KHDRBS2: variants seen among roughly 807,000 people sequenced by gnomAD.
KHDRBS2 encodes KH RNA binding domain containing, signal transduction associated 2.
Under a neutral mutation model 44.3 loss-of-function variants are expected in KHDRBS2, and 26 were observed. That is an observed-to-expected ratio of 0.59 (90% CI 0.43 to 0.81). The LOEUF is 0.81. Among genes scored for constraint, KHDRBS2 ranks in the 40% least tolerant of loss-of-function variants. KHDRBS2 has a pLI of 0.00. For synonymous variants in KHDRBS2, 194 were observed against 151.1 expected (o/e 1.28, Z -2.08); for missense variants, 476 against 433.1 (o/e 1.10, Z -0.88).
chr6:61,588,925 T>A, the KHDRBS2 span, among the ~76,000 whole-genome samples: 1 of 152,122 alleles, frequency 6.6e-6, no homozygotes, highest in Admixed American at 6.6e-5. Context: ...GGAACATGGA[T>A]GAAGCTGGAA....
intron 3 of KHDRBS2, among the ~76,000 whole-genome samples, chr6:62,047,488 A>G (rs2127306830): frequency 6.6e-6 from 1 of 152,018 alleles, no homozygotes; most frequent in Non-Finnish European, 1.5e-5. Context: ...GCAGAGAGAT[A>G]AAATGAGAGA....
chr6:61,571,658 T>C, the KHDRBS2 span, among the ~76,000 whole-genome samples: 2 of 152,128 alleles, frequency 1.3e-5, no homozygotes, highest in African/African-American at 4.8e-5. Flanking sequence ...CACCATATAA[T>C]AGGTCACAAG....
chr6:61,696,164 A>T (rs1003287141), intron 8 of KHDRBS2, among the ~76,000 whole-genome samples: 1 of 152,076 alleles, frequency 6.6e-6, no homozygotes, highest in African/African-American at 2.4e-5. Flanking sequence ...TTATTTTAAT[A>T]AAAATTCAAG....
chr6:61,799,953 A>C (rs1411168730), intron 6 of KHDRBS2, among the ~76,000 whole-genome samples: 1 of 152,120 alleles, frequency 6.6e-6, no homozygotes, highest in African/African-American at 2.4e-5. Context: ...TCTAAGTTAT[A>C]TATATGCTAG....
intron 3 of KHDRBS2, among the ~76,000 whole-genome samples, chr6:62,043,499 T>A (rs924465379): frequency 6.6e-6 from 1 of 152,146 alleles, no homozygotes; most frequent in African/African-American, 2.4e-5. Flanking sequence ...ATGTAGCTTC[T>A]GTGCAAGCAT....
At chr6:61,933,264 A>G (rs116372163) in intron 4 of KHDRBS2, among the ~76,000 whole-genome samples, 1,980 of 152,260 alleles carry the variant, frequency 0.013, 48 homozygotes, top group African/African-American at 0.045. Context: ...TCAGGGGGAA[A>G]TCTGCCCCTT....
rs1242129681 is a variant in KHDRBS2, at chr6:61,945,111, A to ATATGT, written c.483+32954_483+32955insACATA. Among the ~76,000 whole-genome samples, 6 of 37,774 alleles carry ATATGT rather than the reference A, an allele frequency of 1.6e-4. 1 individual carries two copies. The highest frequency in any genetic ancestry group is 7.7e-4 in the African/African-American group (6 of 7,782). The allele number at this position is 37,774 out of a possible 152,430, so 24.8% of individuals were successfully genotyped here. ...GTCTTAAAAAAAAAAAAAAAAAAAA[A>ATATGT]AGTATATATATATATATATATATAT... On this transcript the variant is annotated intron_variant, in intron 4 of 8. Coordinates refer to ENST00000281156, the MANE Select transcript of KHDRBS2 (RefSeq NM_152688.4).
At chr6:61,888,655 G>A (rs1801340263) in intron 6 of KHDRBS2, among the ~76,000 whole-genome samples, 1 of 150,488 alleles carries the variant, frequency 6.6e-6, no homozygotes, top group South Asian at 2.1e-4. Flanking sequence ...TCCGCCTCCC[G>A]GGTTCAAGTG....
At chr6:61,954,792 G>A (rs777143144) in intron 4 of KHDRBS2, among the ~76,000 whole-genome samples, 10 of 59,192 alleles carry the variant, frequency 1.7e-4, no homozygotes, top group African/African-American at 4.6e-4. Context: ...ATATACACAT[G>A]CATATGTATG....
intron 1 of KHDRBS2, among the ~76,000 whole-genome samples, chr6:62,178,559 C>A (rs576641588): frequency 6.6e-6 from 1 of 151,358 alleles, no homozygotes; most frequent in Admixed American, 6.6e-5. Context: ...AAAAAGGAAA[C>A]CAACTTACAT....
the KHDRBS2 span, among the ~76,000 whole-genome samples, chr6:61,602,146 A>T: frequency 6.6e-6 from 1 of 152,158 alleles, no homozygotes; most frequent in Non-Finnish European, 1.5e-5. Context: ...AGCTCCAAAA[A>T]TTAAATTCTG....
At chr6:61,849,329 T>C (rs1795114173) in intron 6 of KHDRBS2, among the ~76,000 whole-genome samples, 2 of 152,144 alleles carry the variant, frequency 1.3e-5, no homozygotes, top group Admixed American at 6.5e-5. Flanking sequence ...CTGAGAGTAA[T>C]GATTTCACCT....
chr6:61,892,031 C>G (rs1457204763), intron 6 of KHDRBS2, among the ~76,000 whole-genome samples: 1 of 152,164 alleles, frequency 6.6e-6, no homozygotes, highest in African/African-American at 2.4e-5. Flanking sequence ...TCTCCTTAAG[C>G]TAATAAGCAA....
chr6:61,907,101 T>C (rs890473518), intron 4 of KHDRBS2, among the ~76,000 whole-genome samples: 9 of 152,166 alleles, frequency 5.9e-5, no homozygotes, highest in Non-Finnish European at 8.8e-5. Context: ...CCATTTTGAC[T>C]GGGGTGAGTT....
At chr6:62,063,871 C>A (rs1268203150) in intron 2 of KHDRBS2, among the ~76,000 whole-genome samples, 1 of 135,400 alleles carries the variant, frequency 7.4e-6, no homozygotes, top group Non-Finnish European at 1.6e-5. Context: ...GATTGTATAT[C>A]TAGAAAACCC....
chr6:62,142,150 G>A (rs1227684682), intron 2 of KHDRBS2, among the ~76,000 whole-genome samples: 1 of 152,066 alleles, frequency 6.6e-6, no homozygotes, highest in African/African-American at 2.4e-5. Flanking sequence ...AGCAACTGGG[G>A]TTGATCTGCC....
At chr6:62,050,906 A>C (rs1788876789) in intron 2 of KHDRBS2, among the ~76,000 whole-genome samples, 1 of 152,086 alleles carries the variant, frequency 6.6e-6, no homozygotes, top group African/African-American at 2.4e-5. Flanking sequence ...CTCATCCTAG[A>C]AGTACGGACA....
At chr6:62,165,738 T>G (rs988399895) in intron 2 of KHDRBS2, among the ~76,000 whole-genome samples, 2 of 151,980 alleles carry the variant, frequency 1.3e-5, no homozygotes, top group Non-Finnish European at 2.9e-5. Flanking sequence ...AGGGTCTATA[T>G]TACCTAGGTT....
chr6:62,014,795 G>A (rs1033977446), intron 3 of KHDRBS2, among the ~76,000 whole-genome samples: 1 of 151,954 alleles, frequency 6.6e-6, no homozygotes, highest in Admixed American at 6.6e-5. Flanking sequence ...ATATTTTCAT[G>A]GGAATGTTAC....
Sources: allele counts gnomAD v4.1 joint callset (sites outside exome capture counted in the v4.1 genomes callset), GRCh38; gene constraint gnomAD v4.1.1; transcripts MANE v1.5; gene names NCBI Gene and HGNC (gene_info 2026-07-23, HGNC 2026-07-21).